The following ABCB5 variants were observed in gnomAD, a reference collection of about 807,000 sequenced individuals.
The protein encoded by ABCB5 is ATP-binding cassette sub-family B member 5.
A neutral mutation model predicts 144.2 loss-of-function variants in ABCB5; 155 were observed. The ratio of observed to expected loss-of-function variants is 1.08; its 90% CI spans 0.94 to 1.23. ABCB5 has a LOEUF of 1.23. Among genes scored for constraint, ABCB5 ranks in the 50% most tolerant of loss-of-function variants. ABCB5 has a pLI of 0.00. For synonymous variants in ABCB5, 610 were observed against 528.6 expected, an observed-to-expected ratio of 1.15 and a Z score of -2.11; for missense variants, 1,830 against 1,520.8, an observed-to-expected ratio of 1.20 and a Z score of -3.38.
chr7:20,740,402 T>C (rs1344268770), intron 24 of ABCB5, among the ~76,000 whole-genome samples: 1 of 152,188 alleles, frequency 6.6e-6, no homozygotes, highest in Non-Finnish European at 1.5e-5. Context: ...AGAATTTTAA[T>C]AGATTTATAT....
In ABCB5 at chr7:20,704,732, C is replaced by CT. The variant is rs771110752; in HGVS notation, c.2347dup (p.Trp783LeufsTer3). ...ATTCTCCTTTTCTCTAGGATATTGC[C>CT]TGGTTTGATGAAAAGGAAAACAGCA... On this transcript the variant is annotated frameshift_variant, in exon 20 of 28. Transcript: ENST00000404938. LOFTEE classifies it high-confidence loss of function. 2.5e-6 allele frequency: 4 copies of CT among 1,613,138 alleles called. No individual in the cohort carries two copies. In the Admixed American group the frequency reaches 6.7e-5, roughly 27 times the overall value.
At chr7:20,676,003 AAAATAAAT>A (rs141279531) in intron 14 of ABCB5, among the ~76,000 whole-genome samples, 1 of 152,010 alleles carries the variant, frequency 6.6e-6, no homozygotes, top group Non-Finnish European at 1.5e-5. Context: ...CTATTGTTAA[AAAATAAAT>A]AAATAAATAA....
intron 11 of ABCB5, 51 bp downstream of exon 11, chr7:20,648,129 A>C: frequency 1.8e-6 from 2 of 1,099,906 alleles, no homozygotes; most frequent in Non-Finnish European, 2.7e-6. Flanking sequence ...ATTATCTTCT[A>C]CTGGCCAAGA....
intron 1 of ABCB5, among the ~76,000 whole-genome samples, chr7:20,618,772 T>C (rs1052813939): frequency 1.3e-4 from 16 of 124,244 alleles, no homozygotes; most frequent in Non-Finnish European, 2.0e-4. Context: ...TTCTTTTTTT[T>C]TTTTTTTTTT....
intron 13 of ABCB5, among the ~76,000 whole-genome samples, chr7:20,656,885 T>C (rs1784811546): frequency 6.6e-6 from 1 of 150,694 alleles, no homozygotes; most frequent in Non-Finnish European, 1.5e-5. Context: ...CAAATTGTGA[T>C]AGATCTAATT....
rs559138254 is a variant in ABCB5 at position 20,631,095 on chromosome 7, T to A, written c.260-964T>A. 1.3e-5 allele frequency among the ~76,000 whole-genome samples: 2 copies of A among 152,174 alleles called. 1 individual carries two copies. Among genetic ancestry groups the A allele is most frequent in the South Asian group, 4.1e-4 (2 of 4,836 alleles). Reference sequence around the variant, plus strand: ...AAATATGAATAATAGCTATCATTAGTTGGGGATCCATTTTTGTGTGAGTCC... The same window carrying A: ...AAATATGAATAATAGCTATCATTAGATGGGGATCCATTTTTGTGTGAGTCC... On this transcript the variant is annotated intron_variant, in intron 4 of 27. Coordinates refer to ENST00000404938, the MANE Select transcript of ABCB5 (RefSeq NM_001163941.2).
chr7:20,652,938 T>A (rs866378660), intron 13 of ABCB5, among the ~76,000 whole-genome samples: 22 of 149,998 alleles, frequency 1.5e-4, no homozygotes, highest in African/African-American at 5.1e-4. Flanking sequence ...GGTTTTTAAT[T>A]TAAAAAATTT....
intron 16 of ABCB5, among the ~76,000 whole-genome samples, chr7:20,696,980 G>A (rs2128042672): frequency 6.6e-6 from 1 of 152,218 alleles, no homozygotes; most frequent in Non-Finnish European, 1.5e-5. Flanking sequence ...TGGTGTCCTG[G>A]CACATGTTAA....
At chr7:20,649,550 T>A (rs944391804) in intron 11 of ABCB5, among the ~76,000 whole-genome samples, 1 of 152,202 alleles carries the variant, frequency 6.6e-6, no homozygotes, top group Non-Finnish European at 1.5e-5. Flanking sequence ...AGGTTTCTAA[T>A]GATAAACTCT....
At chr7:20,655,921 G>C (rs959394129) in intron 13 of ABCB5, among the ~76,000 whole-genome samples, 1 of 152,150 alleles carries the variant, frequency 6.6e-6, no homozygotes, top group Non-Finnish European at 1.5e-5. Flanking sequence ...AATTAAGATC[G>C]TGGTAGTGGC....
chr7:20,649,940 T>G, intron 11 of ABCB5, 82 bp from the exon 12 acceptor site: 1 of 1,446,780 alleles, frequency 6.9e-7, no homozygotes, highest in Non-Finnish European at 9.3e-7. Context: ...TTTTTGGTTA[T>G]AATTATGTAC....
Position 20,745,452 on chromosome 7 carries a change from T to C in ABCB5, c.3429+14T>C, listed in dbSNP as rs767145835. On this transcript the variant is annotated intron_variant, in intron 26 of 27. Coordinates refer to ENST00000404938, the MANE Select transcript of ABCB5 (RefSeq NM_001163941.2). Reference sequence around the variant, plus strand: ...GGTCTCCCTGAGGTAAGAAAATTTCTGAAATCTTGAATTATAAAGCTGCCA... The same window carrying C: ...GGTCTCCCTGAGGTAAGAAAATTTCCGAAATCTTGAATTATAAAGCTGCCA... 1 of 1,613,438 alleles carries C rather than the reference T, an allele frequency of 6.2e-7. No individual in the cohort carries two copies. Among genetic ancestry groups the C allele is most frequent in the East Asian group, 2.2e-5 (1 of 44,884 alleles).
intron 1 of ABCB5, among the ~76,000 whole-genome samples, chr7:20,621,710 G>C (rs1459627354): frequency 6.6e-6 from 1 of 152,060 alleles, no homozygotes; most frequent in Non-Finnish European, 1.5e-5. Context: ...CACAAGCAAA[G>C]AGCAAAAGGA....
chr7:20,649,339 C>T (rs568769947), intron 11 of ABCB5, among the ~76,000 whole-genome samples: 1 of 152,102 alleles, frequency 6.6e-6, no homozygotes, highest in Non-Finnish European at 1.5e-5. Context: ...GGGAGATTCC[C>T]CTGTTTAGGG....
chr7:20,746,137 T>C (rs1782714711), intron 26 of ABCB5, among the ~76,000 whole-genome samples: 1 of 152,146 alleles, frequency 6.6e-6, no homozygotes, highest in African/African-American at 2.4e-5. Flanking sequence ...TTCGCTCTTG[T>C]TGCCCAGGCT....
intron 17 of ABCB5, among the ~76,000 whole-genome samples, chr7:20,699,538 T>TA (rs1242073610): frequency 6.6e-6 from 1 of 151,648 alleles, no homozygotes; most frequent in Non-Finnish European, 1.5e-5. Flanking sequence ...CCATCTCTAT[T>TA]AAAAACATAA....
At chr7:20,661,377 G>T (rs73684681) in intron 14 of ABCB5, among the ~76,000 whole-genome samples, 2 of 151,946 alleles carry the variant, frequency 1.3e-5, no homozygotes, top group Non-Finnish European at 2.9e-5. Context: ...AAACTCTCTG[G>T]TGGTGAAGGC....
At chr7:20,628,037 C>G (rs1001129557) in intron 3 of ABCB5, among the ~76,000 whole-genome samples, 1 of 152,064 alleles carries the variant, frequency 6.6e-6, no homozygotes, top group African/African-American at 2.4e-5. Flanking sequence ...ACTTTAAGTT[C>G]TAGGGTACAT....
intron 20 of ABCB5, among the ~76,000 whole-genome samples, chr7:20,710,388 G>A (rs1173557417): frequency 8.3e-6 from 1 of 119,942 alleles, no homozygotes; most frequent in Non-Finnish European, 1.7e-5. Context: ...AAAAGTGGGG[G>A]GGGGGCATGA....
Sources: gnomAD v4.1 joint callset for allele counts (sites outside exome capture counted in the v4.1 genomes callset) on GRCh38, gnomAD v4.1.1 for gene constraint, MANE v1.5 for transcripts, NCBI Gene and HGNC (gene_info 2026-07-23, HGNC 2026-07-21) for gene names.